RPSA2: variants seen among roughly 807,000 people sequenced by gnomAD.
RPSA2 encodes the protein ribosomal protein SA 2, also known as small ribosomal subunit protein uS2B.
the RPSA2 span, among the ~76,000 whole-genome samples, chr19:23,853,764 G>A: frequency 6.6e-6 from 1 of 152,172 alleles, no homozygotes; most frequent in Non-Finnish European, 1.5e-5. Flanking sequence ...ATGGGGATTG[G>A]CATGATATAA....
chr19:23,843,210 C>G, the RPSA2 span: 2 of 256,770 alleles, frequency 7.8e-6, no homozygotes, highest in Non-Finnish European at 1.6e-5. Context: ...GATCTGATCT[C>G]CTGCCTTGAG....
At chr19:23,812,388 CTTTTT>C in the RPSA2 span, among the ~76,000 whole-genome samples, 1 of 114,186 alleles carries the variant, frequency 8.8e-6, no homozygotes, top group African/African-American at 3.4e-5. Flanking sequence ...CTCTTTTTCT[CTTTTT>C]TTTTTTTTGT....
the RPSA2 span, among the ~76,000 whole-genome samples, chr19:23,774,275 C>T: frequency 1.1e-4 from 16 of 152,182 alleles, no homozygotes; most frequent in African/African-American, 3.9e-4. Context: ...GGGTCCGACT[C>T]TCTGGTATAA....
chr19:23,822,598 T>C, the RPSA2 span, among the ~76,000 whole-genome samples: 1 of 152,136 alleles, frequency 6.6e-6, no homozygotes, highest in Non-Finnish European at 1.5e-5. Flanking sequence ...TCATAATAAA[T>C]AGGTCCCTGT....
chr19:23,807,417 C>G, the RPSA2 span, among the ~76,000 whole-genome samples: 1 of 152,150 alleles, frequency 6.6e-6, no homozygotes, highest in African/African-American at 2.4e-5. Flanking sequence ...GTTTATTGTA[C>G]ACATTAAAAT....
At chr19:23,836,594 A>C in the RPSA2 span, among the ~76,000 whole-genome samples, 3 of 152,194 alleles carry the variant, frequency 2.0e-5, no homozygotes, top group East Asian at 1.9e-4. Context: ...GAATTTCCAC[A>C]GTTTCCTATA....
At chr19:23,796,358 A>G in the RPSA2 span, among the ~76,000 whole-genome samples, 9 of 151,576 alleles carry the variant, frequency 5.9e-5, no homozygotes, top group Non-Finnish European at 1.0e-4. Context: ...ATATGCTGCT[A>G]AATTTGGTTT....
the RPSA2 span, among the ~76,000 whole-genome samples, chr19:23,837,121 G>A: frequency 2.0e-5 from 3 of 151,984 alleles, no homozygotes; most frequent in African/African-American, 7.2e-5. Context: ...CAGGTCTTAG[G>A]TTTAAGTCCT....
the RPSA2 span, among the ~76,000 whole-genome samples, chr19:23,801,811 A>C: frequency 6.6e-6 from 1 of 152,178 alleles, no homozygotes; most frequent in Non-Finnish European, 1.5e-5. Flanking sequence ...GGCATCTTGA[A>C]TATTTCTTCT....
At chr19:23,861,527 T>C in the RPSA2 span, among the ~76,000 whole-genome samples, 1 of 152,166 alleles carries the variant, frequency 6.6e-6, no homozygotes, top group African/African-American at 2.4e-5. Flanking sequence ...GTTAAAAATT[T>C]CATCCTTGGC....
At chr19:23,868,149 G>A in the RPSA2 span, among the ~76,000 whole-genome samples, 1 of 152,172 alleles carries the variant, frequency 6.6e-6, no homozygotes, top group Non-Finnish European at 1.5e-5. Flanking sequence ...TTACAGCAGG[G>A]CTTGCCATCC....
At chr19:23,808,719 G>A in the RPSA2 span, 5 of 704,210 alleles carry the variant, frequency 7.1e-6, no homozygotes, top group Non-Finnish European at 9.4e-6. Context: ...AATAAAACAG[G>A]TATTACTGTC....
At chr19:23,829,704 A>G in the RPSA2 span, among the ~76,000 whole-genome samples, 2 of 152,244 alleles carry the variant, frequency 1.3e-5, no homozygotes, top group African/African-American at 2.4e-5. Context: ...AACAGGTTGC[A>G]TACAAAAATT....
the RPSA2 span, chr19:23,782,484 T>G: frequency 2.6e-5 from 4 of 152,210 alleles, no homozygotes; most frequent in Non-Finnish European, 5.9e-5. Context: ...CAATCTCTCC[T>G]ATAGACCAAG....
chr19:23,769,900 T>C, the RPSA2 span, among the ~76,000 whole-genome samples: 2 of 152,220 alleles, frequency 1.3e-5, no homozygotes, highest in East Asian at 3.9e-4. Context: ...AGAAGTATTA[T>C]GAAATATCTT....
the RPSA2 span, among the ~76,000 whole-genome samples, chr19:23,829,996 A>G: frequency 2.0e-5 from 3 of 151,174 alleles, no homozygotes; most frequent in Admixed American, 6.6e-5. Context: ...CACCTTTTAT[A>G]TGTAGGGCAT....
chr19:23,823,488 G>A, the RPSA2 span, among the ~76,000 whole-genome samples: 6 of 152,018 alleles, frequency 3.9e-5, no homozygotes, highest in East Asian at 9.7e-4. Flanking sequence ...GCCCCCACAT[G>A]TCACTGTCTG....
At chr19:23,765,829 A>G in the RPSA2 span, among the ~76,000 whole-genome samples, 2 of 152,210 alleles carry the variant, frequency 1.3e-5, no homozygotes, top group East Asian at 3.8e-4. Flanking sequence ...TTTTGATTTT[A>G]TGTGTGTATG....
the RPSA2 span, among the ~76,000 whole-genome samples, chr19:23,829,855 C>T: frequency 0.012 from 1,825 of 152,066 alleles, 40 homozygotes; most frequent in African/African-American, 0.041. Context: ...ATGTTTTCTG[C>T]GTCACTAGGA....
Sources: allele counts gnomAD v4.1 joint callset (sites outside exome capture counted in the v4.1 genomes callset), GRCh38; gene constraint gnomAD v4.1.1; transcripts MANE v1.5; gene names NCBI Gene and HGNC (gene_info 2026-07-23, HGNC 2026-07-21).